The following GABRB2 variants were observed in gnomAD, a reference collection of about 807,000 sequenced individuals.
GABRB2 encodes the protein gamma-aminobutyric acid receptor subunit beta-2.
GABRB2 carries 16 observed loss-of-function variants against 54.7 expected under a neutral mutation model. That is an observed-to-expected ratio of 0.29 (90% confidence interval 0.20 to 0.44). GABRB2 has a LOEUF of 0.44. GABRB2 is among the 20% of genes least tolerant of loss of function. The pLI, the probability that GABRB2 is intolerant of heterozygous loss-of-function variation, is 1.00. For missense variants in GABRB2, 355 were observed against 644.0 expected (o/e 0.55, Z 4.86); for synonymous variants, 244 against 233.8 (o/e 1.04, Z -0.40).
chr5:161,421,349 C>T (rs1756844681), intron 4 of GABRB2, among the ~76,000 whole-genome samples: 1 of 152,188 alleles, frequency 6.6e-6, no homozygotes. Flanking sequence ...ATTAGAGCGA[C>T]CCCCAGATAA....
intron 5 of GABRB2, among the ~76,000 whole-genome samples, chr5:161,367,645 T>A (rs1438159919): frequency 6.6e-6 from 1 of 152,206 alleles, no homozygotes; most frequent in African/African-American, 2.4e-5. Context: ...CACATACACA[T>A]TTATTATATG....
intron 3 of GABRB2, among the ~76,000 whole-genome samples, chr5:161,531,511 A>AT (rs1369399347): frequency 2.0e-5 from 3 of 151,796 alleles, no homozygotes; most frequent in Non-Finnish European, 2.9e-5. Flanking sequence ...ACAAAACATT[A>AT]TTTTTTTTCT....
At chr5:161,429,353 A>AAAAAAAAAAAAAAAG (rs1278923753) in intron 4 of GABRB2, among the ~76,000 whole-genome samples, 1 of 148,940 alleles carries the variant, frequency 6.7e-6, no homozygotes, top group African/African-American at 2.5e-5. Context: ...CTCAAAAAAA[A>AAAAAAAAAAAAAAAG]AAAAAGAAAA....
rs139838923 is a variant in GABRB2, at chr5:161,366,822, C to A, written c.542-30053G>T. Among the ~76,000 whole-genome samples, 356 of 152,218 alleles carry A rather than the reference C, an allele frequency of 2.3e-3. 2 individuals carry two copies. Among genetic ancestry groups the A allele is most frequent in the African/African-American group, 8.0e-3 (331 of 41,552 alleles). On this transcript the variant is annotated intron_variant, in intron 5 of 9. Transcript: ENST00000393959. ...ATTAAGTAGGCGTGGTGGCAGGCCC[C>A]TGTAATCGCAGCTACTCAGGAAGGC...
intron 5 of GABRB2, among the ~76,000 whole-genome samples, chr5:161,340,096 C>T (rs1385452811): frequency 6.6e-6 from 1 of 151,988 alleles, no homozygotes; most frequent in East Asian, 1.9e-4. Flanking sequence ...TAATCTTCCT[C>T]AGTATTTACC....
chr5:161,407,301 T>G (rs1029621196), intron 5 of GABRB2, among the ~76,000 whole-genome samples: 2 of 152,122 alleles, frequency 1.3e-5, no homozygotes, highest in Non-Finnish European at 2.9e-5. Flanking sequence ...ATTTCAAAGA[T>G]ATATAATACT....
chr5:161,372,363 T>G (rs1580926852), intron 5 of GABRB2, among the ~76,000 whole-genome samples: 1 of 152,202 alleles, frequency 6.6e-6, no homozygotes, highest in East Asian at 1.9e-4. Context: ...CTTTTACTTA[T>G]GCCTAGTCCC....
intron 3 of GABRB2, among the ~76,000 whole-genome samples, chr5:161,460,820 G>A (rs1581005378): frequency 6.6e-6 from 1 of 152,250 alleles, no homozygotes; most frequent in South Asian, 2.1e-4. Context: ...TACATTTTAT[G>A]AGGCACATAA....
At chr5:161,434,574 T>C (rs1298553713) in intron 4 of GABRB2, among the ~76,000 whole-genome samples, 1 of 152,162 alleles carries the variant, frequency 6.6e-6, no homozygotes, top group African/African-American at 2.4e-5. Flanking sequence ...CTGTTCCCTC[T>C]ACCTGGAATC....
chr5:161,438,142 T>C (rs1470147695), intron 4 of GABRB2, among the ~76,000 whole-genome samples: 1 of 152,134 alleles, frequency 6.6e-6, no homozygotes, highest in African/African-American at 2.4e-5. Flanking sequence ...GTCATAGTGG[T>C]GGTGGCAACA....
At chr5:161,311,219 G>T (rs1052770434) in intron 9 of GABRB2, among the ~76,000 whole-genome samples, 14 of 152,116 alleles carry the variant, frequency 9.2e-5, no homozygotes, top group Admixed American at 2.6e-4. Flanking sequence ...AAAACTAAAG[G>T]TCCTGAGAAA....
chr5:161,298,601 T>C (rs1757448878), intron 9 of GABRB2, among the ~76,000 whole-genome samples: 1 of 152,234 alleles, frequency 6.6e-6, no homozygotes, highest in Admixed American at 6.5e-5. Context: ...GCCTAAAGAC[T>C]GGAACTTCTG....
intron 4 of GABRB2, among the ~76,000 whole-genome samples, chr5:161,455,036 A>G (rs1344071036): frequency 1.3e-5 from 2 of 152,320 alleles, no homozygotes; most frequent in South Asian, 2.1e-4. Flanking sequence ...TCTATAAAAA[A>G]AGGGTCCATA....
intron 9 of GABRB2, among the ~76,000 whole-genome samples, chr5:161,310,726 T>TA (rs1378870298): frequency 3.3e-5 from 5 of 150,514 alleles, no homozygotes; most frequent in African/African-American, 9.7e-5. Flanking sequence ...TTTCAAAAAA[T>TA]AAAAAACTTC....
intron 9 of GABRB2, among the ~76,000 whole-genome samples, chr5:161,311,897 A>G (rs1757879479): frequency 6.6e-6 from 1 of 152,210 alleles, no homozygotes; most frequent in Non-Finnish European, 1.5e-5. Flanking sequence ...GTCAATGACT[A>G]TAGGATTTAT....
intron 3 of GABRB2, among the ~76,000 whole-genome samples, chr5:161,531,144 G>C (rs1402293628): frequency 6.6e-6 from 1 of 152,114 alleles, no homozygotes; most frequent in African/African-American, 2.4e-5. Context: ...AAGGCACACA[G>C]AAATGGTGAT....
At chr5:161,439,564 G>T (rs1483328300) in intron 4 of GABRB2, among the ~76,000 whole-genome samples, 1 of 150,726 alleles carries the variant, frequency 6.6e-6, no homozygotes, top group African/African-American at 2.4e-5. Context: ...AAGGCTAAAT[G>T]ATGAATCAAT....
intron 3 of GABRB2, among the ~76,000 whole-genome samples, chr5:161,513,907 C>A (rs919959539): frequency 2.0e-5 from 3 of 152,134 alleles, no homozygotes; most frequent in Non-Finnish European, 2.9e-5. Flanking sequence ...ATGTTAACTA[C>A]AATGAAGCTG....
At chr5:161,412,711 C>T (rs989753191) in intron 4 of GABRB2, among the ~76,000 whole-genome samples, 1 of 152,132 alleles carries the variant, frequency 6.6e-6, no homozygotes, top group Non-Finnish European at 1.5e-5. Context: ...CTTACTTGTT[C>T]TCTCTGCCTA....
Sources: gnomAD v4.1 joint callset for allele counts (sites outside exome capture counted in the v4.1 genomes callset) on GRCh38, gnomAD v4.1.1 for gene constraint, MANE v1.5 for transcripts, NCBI Gene and HGNC (gene_info 2026-07-23, HGNC 2026-07-21) for gene names.